The following SNX29 variants were observed in gnomAD, a reference collection of about 807,000 sequenced individuals.
The protein encoded by SNX29 is sorting nexin-29.
Under a neutral mutation model 102.1 loss-of-function variants are expected in SNX29, and 78 were observed. The observed-to-expected ratio is 0.76, with a 90% CI of 0.64 to 0.92. The LOEUF (loss-of-function observed/expected upper bound fraction) is 0.92. Ranked by LOEUF, SNX29 falls within the 40% of genes least tolerant of loss-of-function variation. The pLI, the probability that SNX29 is intolerant of heterozygous loss-of-function variation, is 0.00. For synonymous variants in SNX29, 580 were observed against 414.5 expected, an observed-to-expected ratio of 1.40 and a Z score of -4.85; for missense variants, 1,280 against 1,061.7, an observed-to-expected ratio of 1.21 and a Z score of -2.86.
intron 15 of SNX29, among the ~76,000 whole-genome samples, chr16:12,287,418 G>A (rs1255270138): frequency 6.6e-6 from 1 of 152,094 alleles, no homozygotes; most frequent in Non-Finnish European, 1.5e-5. Context: ...GTAGGCAAAA[G>A]AGCATAAAGA....
intron 20 of SNX29, among the ~76,000 whole-genome samples, chr16:12,540,769 C>T (rs1004668251): frequency 9.2e-5 from 14 of 152,214 alleles, no homozygotes; most frequent in Non-Finnish European, 1.8e-4. Context: ...GCCACCTCCC[C>T]TAGAGTGTCA....
intron 14 of SNX29, among the ~76,000 whole-genome samples, chr16:12,239,805 C>G (rs2078046511): frequency 6.9e-6 from 1 of 144,424 alleles, no homozygotes; most frequent in African/African-American, 2.6e-5. Flanking sequence ...GAGCAATAGA[C>G]TGACACCCTG....
chr16:12,233,593 G>T (rs150115099), intron 14 of SNX29, among the ~76,000 whole-genome samples: 1 of 152,104 alleles, frequency 6.6e-6, no homozygotes, highest in East Asian at 1.9e-4. Flanking sequence ...GAAATGAAAG[G>T]TGAAAAAAAC....
At chr16:12,302,087 C>T (rs956830783) in intron 15 of SNX29, among the ~76,000 whole-genome samples, 18 of 152,162 alleles carry the variant, frequency 1.2e-4, no homozygotes, top group Non-Finnish European at 1.8e-4. Context: ...TTATCAGAAT[C>T]TAGAATGTGT....
At chr16:12,190,373 C>T (rs2076612357) in intron 13 of SNX29, among the ~76,000 whole-genome samples, 1 of 152,002 alleles carries the variant, frequency 6.6e-6, no homozygotes, top group Non-Finnish European at 1.5e-5. Context: ...ATCTCATACT[C>T]TAGATAGGGG....
intron 14 of SNX29, among the ~76,000 whole-genome samples, chr16:12,225,125 A>G (rs942151780): frequency 6.6e-6 from 1 of 152,246 alleles, no homozygotes; most frequent in East Asian, 1.9e-4. Context: ...TATCAAAGGC[A>G]TTGATATTAA....
intron 11 of SNX29, among the ~76,000 whole-genome samples, chr16:12,113,052 CTT>C (rs1054238808): frequency 3.3e-5 from 5 of 152,208 alleles, no homozygotes; most frequent in Non-Finnish European, 5.9e-5. Flanking sequence ...CTGAGTGTCT[CTT>C]GTTGCTCCGC....
At chr16:12,460,385 T>A (rs1267190445) in intron 18 of SNX29, among the ~76,000 whole-genome samples, 1 of 152,228 alleles carries the variant, frequency 6.6e-6, no homozygotes, top group East Asian at 1.9e-4. Flanking sequence ...GATTTCCTAT[T>A]GTCAAGAACA....
intron 20 of SNX29, chr16:12,546,400 ACTT>A (rs56400655): frequency 0.18 from 28,010 of 152,064 alleles, 3,210 homozygotes; most frequent in Non-Finnish European, 0.27. Context: ...GGAGCAAGTC[ACTT>A]CTTAAGCTCT....
chr16:12,468,399 T>C (rs955112757), intron 18 of SNX29, among the ~76,000 whole-genome samples: 1 of 152,014 alleles, frequency 6.6e-6, no homozygotes, highest in African/African-American at 2.4e-5. Flanking sequence ...GGTCTCAAAC[T>C]CCTGACCTCA....
intron 18 of SNX29, among the ~76,000 whole-genome samples, chr16:12,444,917 C>T (rs1215066677): frequency 6.7e-6 from 1 of 148,900 alleles, no homozygotes; most frequent in Non-Finnish European, 1.5e-5. Context: ...AGTGGCACGA[C>T]CTCAGCTCAC....
rs1169440534 is a variant in SNX29, at chr16:12,417,764, T to TCCCTTC, written c.2037+14241_2037+14246dup. Among the ~76,000 whole-genome samples the TCCCTTC allele has an allele frequency of 3.9e-5, 6 of 152,084 alleles. 1 individual carries two copies. Among genetic ancestry groups the TCCCTTC allele is most frequent in the African/African-American group, 1.4e-4 (6 of 41,398 alleles). On this transcript the variant is annotated intron_variant, in intron 18 of 20. Transcript: ENST00000566228. ...TTGTCTCCTCACCCTCCTCACCCTT[T>TCCCTTC]CCCTTCCCCTTTCCTTCTTTCTCTT... is the stretch of plus-strand genomic sequence containing the variant.
intron 20 of SNX29, among the ~76,000 whole-genome samples, chr16:12,536,867 T>G (rs2077099873): frequency 6.6e-6 from 1 of 152,082 alleles, no homozygotes; most frequent in African/African-American, 2.4e-5. Flanking sequence ...TTGTAGCTAC[T>G]TGGGAGGCTG....
intron 17 of SNX29, among the ~76,000 whole-genome samples, chr16:12,399,064 T>C (rs2083835449): frequency 6.8e-6 from 1 of 146,588 alleles, no homozygotes; most frequent in Non-Finnish European, 1.5e-5. Context: ...ATCAGACTTT[T>C]TTATTTTTGA....
intron 16 of SNX29, among the ~76,000 whole-genome samples, chr16:12,366,818 CCTTT>C (rs1293746336): frequency 1.3e-5 from 2 of 151,464 alleles, no homozygotes; most frequent in Non-Finnish European, 2.9e-5. Flanking sequence ...TCTCTCTGCT[CCTTT>C]CTTTGTCTCT....
At position 12,416,675 on chromosome 16, in the gene SNX29, G is replaced by C. The variant is rs564267861; in HGVS notation, c.2037+13146G>C. 3.0e-3 allele frequency among the ~76,000 whole-genome samples: 454 copies of C among 152,322 alleles called. 1 individual carries two copies. Among genetic ancestry groups the C allele is most frequent in the Non-Finnish European group, 5.7e-3 (388 of 68,026 alleles). On this transcript the variant is annotated intron_variant, in intron 18 of 20. Coordinates refer to ENST00000566228, the MANE Select transcript of SNX29 (RefSeq NM_032167.5). ...GCTCGGCTTCTGGGAAGGCCTTGGA[G>C]GCTTTTAGTCATGGTGGAAGGTGCA...
In SNX29 at chr16:12,568,980, G is replaced by A; in HGVS notation, c.*351G>A. 1 of 341,972 alleles carries A rather than the reference G, an allele frequency of 2.9e-6. No individual in the cohort carries two copies. Among genetic ancestry groups the A allele is most frequent in the East Asian group, 5.0e-5 (1 of 19,900 alleles). 21.2% of individuals were successfully genotyped at this position (341,972 alleles called of 1,614,324 possible). A position where few individuals can be genotyped will look rare whatever the true frequency, so the allele number is the denominator to read the frequency against. On this transcript the variant is annotated 3_prime_UTR_variant, in exon 21 of 21. Coordinates refer to ENST00000566228, the MANE Select transcript of SNX29 (RefSeq NM_032167.5). ...AGGCTGGGTGCGCCATGGTTGAGAG[G>A]CAAAGGTGATCCCCTATATAGGAAG...
chr16:12,226,226 A>G (rs1280259068), intron 14 of SNX29, among the ~76,000 whole-genome samples: 5 of 152,212 alleles, frequency 3.3e-5, no homozygotes, highest in Non-Finnish European at 5.9e-5. Flanking sequence ...TCGAATTAAT[A>G]TTGTCTGGGA....
intron 15 of SNX29, among the ~76,000 whole-genome samples, chr16:12,317,317 G>T (rs2080781600): frequency 6.6e-6 from 1 of 152,178 alleles, no homozygotes; most frequent in South Asian, 2.1e-4. Context: ...AGTCTGAACA[G>T]GTGGCTCCCC....
Sources: allele counts gnomAD v4.1 joint callset (sites outside exome capture counted in the v4.1 genomes callset), GRCh38; gene constraint gnomAD v4.1.1; transcripts MANE v1.5; gene names NCBI Gene and HGNC (gene_info 2026-07-23, HGNC 2026-07-21).